Variants in INSR observed in about 807,000 individuals in gnomAD.
INSR encodes the protein insulin receptor, also known as IR.
Under a neutral mutation model 142.6 loss-of-function variants are expected in INSR, and 67 were observed. The ratio of observed to expected loss-of-function variants is 0.47; its 90% CI spans 0.39 to 0.58. The LOEUF is 0.58. Among genes scored for constraint, INSR ranks in the 20% least tolerant of loss-of-function variants. INSR has a pLI of 0.00. For synonymous variants in INSR, 756 were observed against 743.1 expected, an observed-to-expected ratio of 1.02 and a Z score of -0.28; for missense variants, 1,248 against 1,833.2, an observed-to-expected ratio of 0.68 and a Z score of 5.83.
At chr19:7,220,500 G>T (rs1332150177) in intron 2 of INSR, among the ~76,000 whole-genome samples, 1 of 152,124 alleles carries the variant, frequency 6.6e-6, no homozygotes, top group Non-Finnish European at 1.5e-5. Context: ...TGTTGGCCAG[G>T]CTGGTCTCGA....
intron 11 of INSR, among the ~76,000 whole-genome samples, chr19:7,144,724 T>A (rs1973149789): frequency 6.6e-6 from 1 of 151,668 alleles, no homozygotes; most frequent in Non-Finnish European, 1.5e-5. Flanking sequence ...TTTTTTGCTG[T>A]TATAAATATT....
intron 3 of INSR, among the ~76,000 whole-genome samples, chr19:7,183,111 C>T (rs1222190797): frequency 1.3e-5 from 2 of 152,018 alleles, no homozygotes; most frequent in Non-Finnish European, 2.9e-5. Context: ...TTTTCCTTCC[C>T]GCCCTCTCCA....
intron 2 of INSR, among the ~76,000 whole-genome samples, chr19:7,231,520 C>T (rs1222892135): frequency 6.6e-6 from 1 of 151,854 alleles, no homozygotes; most frequent in Non-Finnish European, 1.5e-5. Context: ...AGGCTGGTCT[C>T]GAACTGCTGA....
intron 13 of INSR, among the ~76,000 whole-genome samples, chr19:7,140,201 G>A (rs74757437): frequency 0.018 from 2,800 of 152,262 alleles, 48 homozygotes; most frequent in African/African-American, 0.044. Context: ...GGTCCCAGGA[G>A]GGGTAGAGGG....
chr19:7,268,397 C>A (rs1474899487), intron 1 of INSR: 2 of 982,288 alleles, frequency 2.0e-6, no homozygotes, highest in African/African-American at 3.5e-5. Flanking sequence ...GCAATCAAGA[C>A]CTAATTACCT....
chr19:7,130,938 G>A (rs1972763063), intron 14 of INSR, among the ~76,000 whole-genome samples: 1 of 148,974 alleles, frequency 6.7e-6, no homozygotes, highest in Non-Finnish European at 1.5e-5. Context: ...GAGTGCAGTG[G>A]CGTGATGTCG....
intron 8 of INSR, among the ~76,000 whole-genome samples, chr19:7,163,591 A>C (rs1363723722): frequency 6.6e-6 from 1 of 151,088 alleles, no homozygotes; most frequent in Non-Finnish European, 1.5e-5. Context: ...GAAAAAAAAA[A>C]CCACCACCAA....
intron 11 of INSR, among the ~76,000 whole-genome samples, chr19:7,149,507 C>T (rs1361569871): frequency 1.3e-5 from 2 of 152,118 alleles, no homozygotes; most frequent in Non-Finnish European, 1.5e-5. Flanking sequence ...CTGCTTCATT[C>T]TCTTAAGACT....
rs1329014300 is a variant in INSR, at chr19:7,184,344, G to C, written c.946C>G (p.Pro316Ala). The C allele has an allele frequency of 6.2e-7, 1 of 1,613,958 alleles. No individual in the cohort carries two copies. The highest frequency in any genetic ancestry group is 1.7e-5 in the Admixed American group (1 of 59,998). The change falls in exon 3 of 22, where the codon CCC becomes GCC. Residue 316 changes from proline (P) to alanine (A), a missense_variant. Coordinates refer to ENST00000302850, the MANE Select transcript of INSR (RefSeq NM_000208.4). Reference sequence around the variant, plus strand: ...CTGGAATTCATCGTGTACCCGGAGGGACACTCAGGGATGCACTTGTTGTTG... The same window carrying C: ...CTGGAATTCATCGTGTACCCGGAGGCACACTCAGGGATGCACTTGTTGTTG... ...IHNNKCIPEC[P>A]SGYTMNSSNL...
chr19:7,280,342 G>T (rs982583173), intron 1 of INSR, among the ~76,000 whole-genome samples: 1 of 152,118 alleles, frequency 6.6e-6, no homozygotes, highest in African/African-American at 2.4e-5. Flanking sequence ...ACTTTGGGAG[G>T]CCAAGGCAGG....
chr19:7,151,162 C>CTCTTTCTT (rs1218566297), intron 10 of INSR, among the ~76,000 whole-genome samples: 1,022 of 45,834 alleles, frequency 0.022, 13 homozygotes, highest in South Asian at 0.056. Flanking sequence ...TTCTTTCTTT[C>CTCTTTCTT]TCTTTCTTTC....
intron 2 of INSR, among the ~76,000 whole-genome samples, chr19:7,212,574 T>A (rs995794106): frequency 2.0e-5 from 3 of 152,050 alleles, no homozygotes; most frequent in Non-Finnish European, 4.4e-5. Context: ...AGAGAAAATT[T>A]TTCTTTAAAT....
At chr19:7,253,687 C>CA (rs1976803268) in intron 2 of INSR, among the ~76,000 whole-genome samples, 1 of 152,158 alleles carries the variant, frequency 6.6e-6, no homozygotes, top group Non-Finnish European at 1.5e-5. Context: ...GCAATGCTTT[C>CA]AACACTTTCT....
At position 7,125,241 on chromosome 19, in the gene INSR, G is replaced by T; in HGVS notation, c.3258+42C>A. On this transcript the variant is annotated intron_variant, in intron 17 of 21. Transcript: ENST00000302850. The surrounding 1 kb of genome is among the most constrained non-coding windows in gnomAD (Gnocchi z 4.9). Reference sequence around the variant, plus strand: ...GGAGGAGGAGGCAGAGAAAGGGAAGGGTCAGGAAAGCCAGCCCATGTCCCA... The same window carrying T: ...GGAGGAGGAGGCAGAGAAAGGGAAGTGTCAGGAAAGCCAGCCCATGTCCCA... The T allele has an allele frequency of 6.2e-7, 1 of 1,612,532 alleles. No individual in the cohort carries two copies.
intron 10 of INSR, chr19:7,152,418 G>T: frequency 7.8e-6 from 3 of 382,446 alleles, no homozygotes; most frequent in East Asian, 6.5e-5. Context: ...AAAAAAAAAT[G>T]TTAATCGTCT....
intron 20 of INSR, 82 bp downstream of exon 20, chr19:7,120,538 G>A (rs1324719185): frequency 6.4e-7 from 1 of 1,562,012 alleles, no homozygotes; most frequent in Admixed American, 1.7e-5. Context: ...GAGGATGGCA[G>A]GCTTCCTTCC....
intron 1 of INSR, among the ~76,000 whole-genome samples, chr19:7,282,127 G>A (rs1968218488): frequency 6.6e-6 from 1 of 152,186 alleles, no homozygotes; most frequent in Admixed American, 6.6e-5. Context: ...CACTTTGGGA[G>A]GCCGAGGTGG....
At chr19:7,133,198 G>A (rs1972828575) in intron 13 of INSR, among the ~76,000 whole-genome samples, 1 of 152,098 alleles carries the variant, frequency 6.6e-6, no homozygotes, top group Non-Finnish European at 1.5e-5. Flanking sequence ...GGAGGTCAAG[G>A]GTGCAGTGAG....
rs189266292 is a variant in INSR, at chr19:7,150,199, T to C, written c.2267+298A>G. 8.5e-4 allele frequency among the ~76,000 whole-genome samples: 130 copies of C among 152,102 alleles called. No individual in the cohort carries two copies. The highest frequency in any genetic ancestry group is 3.1e-3 in the African/African-American group (127 of 41,486). ...ATGCACGCGGGAGGTGCAGAGATGT[T>C]TAGTGAGCAAACAGTGGCTGCAAAC... On this transcript the variant is annotated intron_variant, in intron 11 of 21. Transcript: ENST00000302850. The surrounding 1 kb of genome is among the most constrained non-coding windows in gnomAD (Gnocchi z 4.2).
Sources: gnomAD v4.1 joint callset for allele counts (sites outside exome capture counted in the v4.1 genomes callset) on GRCh38, gnomAD v4.1.1 for gene constraint, Gnocchi (gnomAD v3.1) non-coding constraint, MANE v1.5 for transcripts, NCBI Gene and HGNC (gene_info 2026-07-23, HGNC 2026-07-21) for gene names.